SPOCK3: variants seen among roughly 807,000 people sequenced by gnomAD.
SPOCK3 encodes the protein SPARC (osteonectin), cwcv and kazal like domains proteoglycan 3.
SPOCK3 carries 30 observed loss-of-function variants against 56.6 expected under a neutral mutation model. The ratio of observed to expected loss-of-function variants is 0.53; its 90% CI spans 0.40 to 0.72. The LOEUF (loss-of-function observed/expected upper bound fraction) is 0.72, where lower values mean the gene tolerates loss of function less well. SPOCK3 is among the 30% of genes least tolerant of loss of function. The pLI is 0.00. For synonymous variants in SPOCK3, 196 were observed against 183.3 expected (o/e 1.07, Z -0.56); for missense variants, 527 against 530.0 (o/e 0.99, Z 0.06).
intron 2 of SPOCK3, among the ~76,000 whole-genome samples, chr4:167,186,794 T>A (rs1468172512): frequency 6.6e-6 from 1 of 151,770 alleles, no homozygotes; most frequent in Admixed American, 6.6e-5. Flanking sequence ...CTGGCCAACA[T>A]GGTGAAACCC....
At chr4:166,934,375 G>C (rs962270427) in intron 4 of SPOCK3, among the ~76,000 whole-genome samples, 1 of 150,850 alleles carries the variant, frequency 6.6e-6, no homozygotes, top group Non-Finnish European at 1.5e-5. Flanking sequence ...GGGGGCACCT[G>C]TAGTCCAAGC....
intron 2 of SPOCK3, among the ~76,000 whole-genome samples, chr4:167,145,371 G>C (rs1354690252): frequency 6.6e-6 from 1 of 151,996 alleles, no homozygotes; most frequent in Non-Finnish European, 1.5e-5. Flanking sequence ...TATTAGTAGT[G>C]ATATCTGAAG....
intron 7 of SPOCK3, among the ~76,000 whole-genome samples, chr4:166,768,374 G>A (rs1738435683): frequency 6.6e-6 from 1 of 152,148 alleles, no homozygotes; most frequent in Non-Finnish European, 1.5e-5. Flanking sequence ...CTCTTGTAGG[G>A]CAGGCCTGGT....
chr4:166,995,342 CAAT>C (rs1748247854), intron 4 of SPOCK3, among the ~76,000 whole-genome samples: 1 of 151,856 alleles, frequency 6.6e-6, no homozygotes, highest in South Asian at 2.1e-4. Context: ...AGGAATCAAA[CAAT>C]GTTATACTAA....
In SPOCK3 at chr4:167,062,522, T is replaced by C; in HGVS notation, c.205A>G (p.Thr69Ala). 2.5e-6 allele frequency: 4 copies of C among 1,607,464 alleles called. No individual in the cohort carries two copies. Among genetic ancestry groups the C allele is most frequent in the Non-Finnish European group, 3.4e-6 (4 of 1,175,162 alleles). Residue 69 changes from threonine to alanine, a missense_variant, in exon 3 of 11, where the codon ACT becomes GCT. By Grantham distance (58) the Thr-to-Ala change is moderately conservative. Transcript: ENST00000357545. The part of the protein sequence containing the change: ...NKFRDDDYFR[T>A]WSPGKPFDQA... Reference sequence around the variant, plus strand: ...TCGAAGGGTTTTCCTGGACTCCAAGTGCGGAAATAATCATCCTAAGGGGGA... The same window carrying C: ...TCGAAGGGTTTTCCTGGACTCCAAGCGCGGAAATAATCATCCTAAGGGGGA...
chr4:166,908,272 T>TCACACACA (rs5863846), intron 5 of SPOCK3, among the ~76,000 whole-genome samples: 419 of 138,542 alleles, frequency 3.0e-3, no homozygotes, highest in African/African-American at 0.01. Flanking sequence ...ATGTTATTGT[T>TCACACACA]CACACACACA....
chr4:166,750,060 T>C (rs11935138), intron 8 of SPOCK3, among the ~76,000 whole-genome samples: 120,108 of 152,038 alleles, frequency 0.79, 47,702 homozygotes, highest in South Asian at 0.82. Flanking sequence ...AGAGAATATG[T>C]CTGCCTACCA....
At chr4:167,174,591 T>C (rs1364124403) in intron 2 of SPOCK3, among the ~76,000 whole-genome samples, 3 of 152,124 alleles carry the variant, frequency 2.0e-5, no homozygotes, top group Non-Finnish European at 4.4e-5. Context: ...TAGCAGGTAC[T>C]GGCTTGGAAT....
chr4:166,871,182 CAAGTAA>C (rs1265642387), intron 6 of SPOCK3, among the ~76,000 whole-genome samples: 3 of 151,554 alleles, frequency 2.0e-5, no homozygotes, highest in Admixed American at 2.0e-4. Flanking sequence ...TAAATATAAA[CAAGTAA>C]AAGGAAGAAA....
chr4:167,069,545 A>G (rs901925212), intron 2 of SPOCK3, among the ~76,000 whole-genome samples: 1 of 151,926 alleles, frequency 6.6e-6, no homozygotes, highest in Admixed American at 6.6e-5. Context: ...TTGTTGCAGA[A>G]CAACGACTAG....
At chr4:167,228,153 G>A (rs945623395) in intron 2 of SPOCK3, among the ~76,000 whole-genome samples, 1 of 152,092 alleles carries the variant, frequency 6.6e-6, no homozygotes, top group African/African-American at 2.4e-5. Flanking sequence ...CATATCTGGT[G>A]CATACAAAAA....
chr4:167,215,185 T>C (rs1461271865), intron 2 of SPOCK3, among the ~76,000 whole-genome samples: 2 of 152,098 alleles, frequency 1.3e-5, no homozygotes, highest in South Asian at 2.1e-4. Flanking sequence ...AAATGTTGTA[T>C]TATCAACTAA....
intron 4 of SPOCK3, among the ~76,000 whole-genome samples, chr4:166,994,131 A>T (rs1369715602): frequency 6.6e-6 from 1 of 152,144 alleles, no homozygotes; most frequent in East Asian, 1.9e-4. Context: ...TGGGCAGGAC[A>T]TCTCGCGAGA....
At chr4:167,112,700 G>A (rs1407502590) in intron 2 of SPOCK3, among the ~76,000 whole-genome samples, 1 of 152,022 alleles carries the variant, frequency 6.6e-6, no homozygotes. Context: ...GCAGAAATAG[G>A]AAAGAAATGA....
At chr4:167,234,214 G>T (rs1427826931) in intron 1 of SPOCK3, 41 bp from the exon 2 acceptor site, 11 of 1,603,576 alleles carry the variant, frequency 6.9e-6, no homozygotes, top group Non-Finnish European at 7.7e-6. Flanking sequence ...GGGCATGTCA[G>T]TGTCAAATAA....
intron 7 of SPOCK3, among the ~76,000 whole-genome samples, chr4:166,767,875 A>C (rs1207092090): frequency 6.6e-6 from 1 of 152,088 alleles, no homozygotes; most frequent in Non-Finnish European, 1.5e-5. Context: ...GGATGCTCCC[A>C]TATTGGGTGC....
At chr4:167,182,209 T>C (rs1221623597) in intron 2 of SPOCK3, among the ~76,000 whole-genome samples, 1 of 152,078 alleles carries the variant, frequency 6.6e-6, no homozygotes, top group East Asian at 1.9e-4. Context: ...GGTTATCAAG[T>C]TTTAAATAAT....
intron 7 of SPOCK3, among the ~76,000 whole-genome samples, chr4:166,764,311 G>T (rs1181513639): frequency 6.6e-6 from 1 of 151,910 alleles, no homozygotes; most frequent in African/African-American, 2.4e-5. Context: ...ATTTACATTG[G>T]GTATATCTCC....
chr4:167,061,863 T>G (rs1337074240), intron 3 of SPOCK3, among the ~76,000 whole-genome samples: 1 of 151,958 alleles, frequency 6.6e-6, no homozygotes, highest in Non-Finnish European at 1.5e-5. Flanking sequence ...ACAAATCTCT[T>G]TAGTCATTTA....
Sources: gnomAD v4.1 joint callset for allele counts (sites outside exome capture counted in the v4.1 genomes callset) on GRCh38, gnomAD v4.1.1 for gene constraint, MANE v1.5 for transcripts, NCBI Gene and HGNC (gene_info 2026-07-23, HGNC 2026-07-21) for gene names.